SYNM: variants seen among roughly 807,000 people sequenced by gnomAD.
SYNM encodes the protein desmuslin.
A neutral mutation model predicts 104.0 loss-of-function variants in SYNM; 95 were observed. The observed-to-expected ratio is 0.91, with a 90% CI of 0.77 to 1.08. The LOEUF (loss-of-function observed/expected upper bound fraction) is 1.08. SYNM is among the 50% of genes least tolerant of loss of function. SYNM has a pLI of 0.00. For synonymous variants in SYNM, 918 were observed against 869.0 expected (o/e 1.06, Z -0.99); for missense variants, 2,150 against 2,052.2 (o/e 1.05, Z -0.92).
chr15:99,113,485 A>C, intron 1 of SYNM, 106 bp from the exon 2 acceptor site: 2 of 1,461,902 alleles, frequency 1.4e-6, no homozygotes, highest in Non-Finnish European at 1.9e-6. Flanking sequence ...CTGGTCTGCT[A>C]ATAACCCTGG....
intron 2 of SYNM, among the ~76,000 whole-genome samples, chr15:99,124,390 A>T (rs1281119257): frequency 6.6e-6 from 1 of 152,200 alleles, no homozygotes; most frequent in African/African-American, 2.4e-5. Context: ...GCATGAACTC[A>T]ATGGCCAGTG....
rs782072729 is a variant in SYNM, at chr15:99,130,422, GT to G, written c.2063del (p.Val688GlyfsTer5). 5 of 1,613,842 alleles carry G rather than the reference GT, an allele frequency of 3.1e-6. No individual in the cohort carries two copies. Among genetic ancestry groups the G allele is most frequent in the Admixed American group, 1.7e-5 (1 of 60,014 alleles). On this transcript the variant is annotated frameshift_variant, in exon 4 of 4. Transcript: ENST00000336292. LOFTEE classifies it high-confidence loss of function. The part of the protein sequence containing the change: ...GERKTKTEIV[V>X]ESKLTEDVDV... ...AAGGAAAACAAAGACTGAAATAGTT[GT>G]GGAGTCTAAACTGACTGAGGATGTT...
downstream of SYNM, chr15:99,138,097 C>A (rs782084812): frequency 2.5e-6 from 4 of 1,613,256 alleles, no homozygotes; most frequent in Non-Finnish European, 3.4e-6. Context: ...CTTTTGATGC[C>A]TGCCTTGGCT....
At position 99,133,169 on chromosome 15, in the gene SYNM, A is replaced by G; in HGVS notation, c.*111A>G. 1 of 1,505,598 alleles carries G rather than the reference A, an allele frequency of 6.6e-7. No homozygotes were observed. Among genetic ancestry groups the G allele is most frequent in the South Asian group, 1.3e-5 (1 of 77,558 alleles). The allele number at this position is 1,505,598 out of a possible 1,614,324, so 93.3% of individuals were successfully genotyped here. ...AGTCTATGAAAATCTCCCCTTTTTT[A>G]CTTTTTTAAAGAGTACTCCCGGCAT... is the stretch of plus-strand genomic sequence containing the variant. On this transcript the variant is annotated 3_prime_UTR_variant, in exon 4 of 4. Coordinates refer to ENST00000336292, the MANE Select transcript of SYNM (RefSeq NM_145728.3).
At chr15:99,125,425 G>C (rs1340479056) in intron 2 of SYNM, among the ~76,000 whole-genome samples, 1 of 152,270 alleles carries the variant, frequency 6.6e-6, no homozygotes, top group Non-Finnish European at 1.5e-5. Flanking sequence ...CTGAGCGAAG[G>C]GCTGGGGCTC....
chr15:99,120,838 G>A (rs1226620008), intron 2 of SYNM, among the ~76,000 whole-genome samples: 1 of 151,938 alleles, frequency 6.6e-6, no homozygotes, highest in Non-Finnish European at 1.5e-5. Context: ...AGAGGGAGAG[G>A]GACTATAGGG....
intron 2 of SYNM, among the ~76,000 whole-genome samples, chr15:99,118,261 C>T (rs1489143720): frequency 3.3e-5 from 5 of 152,258 alleles, no homozygotes; most frequent in South Asian, 2.1e-4. Context: ...TCGTCATCCT[C>T]GATGTGAGTC....
At chr15:99,123,785 C>T (rs1468851282) in intron 2 of SYNM, among the ~76,000 whole-genome samples, 8 of 152,292 alleles carry the variant, frequency 5.3e-5, no homozygotes, top group Non-Finnish European at 8.8e-5. Context: ...AACATCCTGA[C>T]AGTGCCTCAT....
At chr15:99,141,409 T>C in the SYNM span, among the ~76,000 whole-genome samples, 3 of 152,096 alleles carry the variant, frequency 2.0e-5, no homozygotes, top group East Asian at 1.9e-4. Context: ...GGGAATGATA[T>C]CAAATTTAAA....
downstream of SYNM, chr15:99,137,392 C>G (rs1024312301): frequency 2.6e-5 from 4 of 152,296 alleles, no homozygotes; most frequent in South Asian, 2.1e-4. Flanking sequence ...TTTCTTTTCA[C>G]TCCCTTACAC....
At chr15:99,106,099 A>T (rs2067239792) in intron 1 of SYNM, 90 bp downstream of exon 1, 1 of 1,288,904 alleles carries the variant, frequency 7.8e-7, no homozygotes, top group African/African-American at 1.6e-5. Flanking sequence ...CGGCCCCTTC[A>T]CCAGGGGCGC....
rs113339047 is a variant in SYNM, at chr15:99,130,556, C to T, written c.2196C>T (p.Leu732=). 1,717 of 1,613,666 alleles carry T rather than the reference C, an allele frequency of 1.1e-3. 13 individuals are homozygous for T. In the African/African-American group the frequency reaches 0.019, roughly 18 times the overall value. ...AEQMIGDIIN[L]GLKGREGRAK... ...AGATGATAGGAGACATCATCAACCT[C>T]GGCCTGAAAGGGAGGGAGGGGAGAG... Residue 732 remains leucine, a synonymous_variant, in exon 4 of 4, where the codon CTC becomes CTT. Coordinates refer to ENST00000336292, the MANE Select transcript of SYNM (RefSeq NM_145728.3).
At chr15:99,121,333 T>C (rs1395931660) in intron 2 of SYNM, among the ~76,000 whole-genome samples, 2 of 151,500 alleles carry the variant, frequency 1.3e-5, no homozygotes. Context: ...CCTGCAGTGC[T>C]GGGGTGGATG....
rs1467413323 is a variant in SYNM at position 99,105,131 on chromosome 15, G to A, written c.-69G>A. 3.3e-6 allele frequency: 5 copies of A among 1,507,964 alleles called. No individual in the cohort carries two copies. The highest frequency in any genetic ancestry group is 2.4e-5 in the South Asian group (2 of 82,106). 93.4% of individuals were successfully genotyped at this position (1,507,964 alleles called of 1,614,324 possible). ...GAGGCCGGAGCGTCGCGGCGGAGAG[G>A]ACGAGACCGGGACAAGACCAGGGCA... On this transcript the variant is annotated 5_prime_UTR_variant, in exon 1 of 4. Transcript: ENST00000336292.
At chr15:99,113,463 C>A (rs1305167877) in intron 1 of SYNM, 128 bp from the exon 2 acceptor site, 4 of 1,189,046 alleles carry the variant, frequency 3.4e-6, no homozygotes, top group Non-Finnish European at 3.6e-6. Context: ...TTTAATAACG[C>A]CGGGTGTTTT....
At position 99,111,589 on chromosome 15, in the gene SYNM, A is replaced by G. The variant is rs142390996; in HGVS notation, c.811-2002A>G. ...TATCGTTTTTCCACCCTGGGACATA[A>G]GCCAGTGATTTTTAAGTTTACTTCT... On this transcript the variant is annotated intron_variant, in intron 1 of 3. Coordinates refer to ENST00000336292, the MANE Select transcript of SYNM (RefSeq NM_145728.3). Among the ~76,000 whole-genome samples, 396 of 152,338 alleles carry G rather than the reference A, an allele frequency of 2.6e-3. 2 individuals carry two copies. The highest frequency in any genetic ancestry group is 4.6e-3 in the Non-Finnish European group (316 of 68,034).
chr15:99,107,914 C>T (rs1555482978), intron 1 of SYNM, among the ~76,000 whole-genome samples: 2 of 149,444 alleles, frequency 1.3e-5, no homozygotes, highest in Non-Finnish European at 3.0e-5. Flanking sequence ...AGGAAAATGT[C>T]AATAAGGACC....
chr15:99,105,752 G>A lies in SYNM; in HGVS notation c.553G>A (p.Asp185Asn). ...APPPRLREVH[D>N]SYALLVAESW... ...GCCGCCACGCCTGCGGGAGGTGCAC[G>A]ACAGCTACGCACTGCTGGTGGCCGA... is the stretch of plus-strand genomic sequence containing the variant. Residue 185 changes from aspartate (D) to asparagine (N), a missense_variant, in exon 1 of 4, where the codon GAC becomes AAC. Transcript: ENST00000336292. 6.5e-7 allele frequency: 1 copy of A among 1,532,208 alleles called. No individual in the cohort carries two copies. The highest frequency in any genetic ancestry group is 8.8e-7 in the Non-Finnish European group (1 of 1,141,770). The allele number at this position is 1,532,208 out of a possible 1,614,324, so 94.9% of individuals were successfully genotyped here.
rs2067229776 is a variant in SYNM at position 99,105,704 on chromosome 15, C to T, written c.505C>T (p.Arg169Cys). The T allele has an allele frequency of 5.4e-6, 8 of 1,488,022 alleles. No individual in the cohort carries two copies. Among genetic ancestry groups the T allele is most frequent in the Admixed American group, 2.3e-5 (1 of 43,938 alleles). 92.2% of individuals were successfully genotyped at this position (1,488,022 alleles called of 1,614,324 possible). ...CAGCCTTACCATGCATTTCCGCGCC[C>T]GCGCCACCGGCCCCGCCGCGCCGCC... ...AASLTMHFRA[R>C]ATGPAAPPPR... is the part of the protein sequence containing the mutation. The change falls in exon 1 of 4, where the codon CGC becomes TGC. Residue 169 changes from arginine (R) to cysteine (C), a missense_variant. By Grantham distance (180) the Arg-to-Cys change is radical. Transcript: ENST00000336292.
Sources: gnomAD v4.1 joint callset for allele counts (sites outside exome capture counted in the v4.1 genomes callset) on GRCh38, gnomAD v4.1.1 for gene constraint, MANE v1.5 for transcripts, NCBI Gene and HGNC (gene_info 2026-07-23, HGNC 2026-07-21) for gene names.